Variants in HIKESHI observed in about 807,000 individuals in gnomAD.
HIKESHI encodes the protein heat shock protein nuclear import factor hikeshi.
In HIKESHI, 13 loss-of-function variants were observed where a neutral mutation model predicts 25.7. The ratio of observed to expected loss-of-function variants is 0.51; its 90% confidence interval spans 0.33 to 0.80. The LOEUF is 0.80. Among genes scored for constraint, HIKESHI ranks in the 30% least tolerant of loss-of-function variants. The pLI is 0.02. For synonymous variants in HIKESHI, 76 were observed against 78.7 expected (o/e 0.97, Z 0.18); for missense variants, 174 against 229.5 (o/e 0.76, Z 1.56).
intron 1 of HIKESHI, chr11:86,303,601 T>A (rs1593795471): frequency 6.2e-6 from 1 of 161,046 alleles, no homozygotes; most frequent in Non-Finnish European, 1.3e-5. Context: ...GGAATCCATG[T>A]ATCTCTCACG....
At chr11:86,339,021 A>G (rs1345310758) in intron 3 of HIKESHI, among the ~76,000 whole-genome samples, 3 of 152,148 alleles carry the variant, frequency 2.0e-5, no homozygotes, top group African/African-American at 7.2e-5. Flanking sequence ...TTATGTAACT[A>G]CTCTGTACCA....
chr11:86,304,720 T>G (rs1277680208), intron 1 of HIKESHI, among the ~76,000 whole-genome samples: 1 of 152,206 alleles, frequency 6.6e-6, no homozygotes, highest in Non-Finnish European at 1.5e-5. Context: ...TTCGCCATGT[T>G]GGCCAGGCTG....
chr11:86,310,930 T>G (rs1221672762), intron 2 of HIKESHI, among the ~76,000 whole-genome samples: 6 of 152,204 alleles, frequency 3.9e-5, no homozygotes, highest in Non-Finnish European at 7.3e-5. Context: ...TCATGGTGGA[T>G]AAGCTTTTTG....
intron 2 of HIKESHI, among the ~76,000 whole-genome samples, chr11:86,336,132 T>C (rs750057104): frequency 6.6e-6 from 1 of 152,152 alleles, no homozygotes; most frequent in Non-Finnish European, 1.5e-5. Context: ...GATAGCAGAA[T>C]TGAGTAGACA....
At chr11:86,334,788 A>G (rs1380661020) in intron 2 of HIKESHI, among the ~76,000 whole-genome samples, 1 of 152,184 alleles carries the variant, frequency 6.6e-6, no homozygotes, top group Non-Finnish European at 1.5e-5. Flanking sequence ...AGCTAGGACC[A>G]CAAGCATGCA....
intron 2 of HIKESHI, among the ~76,000 whole-genome samples, chr11:86,317,694 A>G (rs1233058581): frequency 6.6e-6 from 1 of 151,600 alleles, no homozygotes; most frequent in Non-Finnish European, 1.5e-5. Flanking sequence ...TTGTCCCAGC[A>G]CTCGAGAGAC....
chr11:86,321,043 T>C (rs188018696), intron 2 of HIKESHI, among the ~76,000 whole-genome samples: 4 of 152,242 alleles, frequency 2.6e-5, no homozygotes, highest in Non-Finnish European at 5.9e-5. Flanking sequence ...CAAGTGATTC[T>C]CCTGCCTCAG....
chr11:86,324,937 G>A (rs10898465), intron 2 of HIKESHI, among the ~76,000 whole-genome samples: 17,192 of 152,124 alleles, frequency 0.11, 1,064 homozygotes, highest in East Asian at 0.23. Flanking sequence ...TCAGCACTTC[G>A]GGAGGTTGAG....
intron 4 of HIKESHI, 64 bp from the exon 5 acceptor site, chr11:86,345,520 C>A: frequency 1.1e-6 from 1 of 878,536 alleles, no homozygotes; most frequent in Non-Finnish European, 1.8e-6. Flanking sequence ...AGTCATTTGG[C>A]AGTTAATGAA....
At chr11:86,326,973 C>T (rs889039194) in intron 2 of HIKESHI, among the ~76,000 whole-genome samples, 21 of 152,006 alleles carry the variant, frequency 1.4e-4, no homozygotes, top group African/African-American at 4.8e-4. Flanking sequence ...TGCCTATAGT[C>T]CTAACTACTC....
At chr11:86,314,436 G>C (rs766628381) in intron 2 of HIKESHI, among the ~76,000 whole-genome samples, 12 of 152,042 alleles carry the variant, frequency 7.9e-5, no homozygotes, top group Non-Finnish European at 1.6e-4. Flanking sequence ...ACAACATGGT[G>C]GAACCCCCTG....
At chr11:86,323,388 ATACT>A (rs1947198239) in intron 2 of HIKESHI, among the ~76,000 whole-genome samples, 1 of 152,210 alleles carries the variant, frequency 6.6e-6, no homozygotes, top group South Asian at 2.1e-4. Context: ...GATTAAATAA[ATACT>A]TATATCTATA....
chr11:86,332,283 C>A (rs1947447579), intron 2 of HIKESHI, among the ~76,000 whole-genome samples: 1 of 151,904 alleles, frequency 6.6e-6, no homozygotes, highest in African/African-American at 2.4e-5. Flanking sequence ...TTTCTTTAGT[C>A]CTCATCTCTT....
intron 2 of HIKESHI, among the ~76,000 whole-genome samples, chr11:86,324,988 G>GC (rs1947236604): frequency 6.6e-6 from 1 of 151,970 alleles, no homozygotes; most frequent in African/African-American, 2.4e-5. Context: ...AGACCAACCT[G>GC]CGTAACACAG....
At chr11:86,309,104 C>A (rs1444471045) in intron 2 of HIKESHI, among the ~76,000 whole-genome samples, 1 of 152,126 alleles carries the variant, frequency 6.6e-6, no homozygotes, top group African/African-American at 2.4e-5. Context: ...ATGGCTGGGT[C>A]AAATGATATT....
chr11:86,335,390 G>C (rs1947528539), intron 2 of HIKESHI, among the ~76,000 whole-genome samples: 1 of 152,178 alleles, frequency 6.6e-6, no homozygotes, highest in Non-Finnish European at 1.5e-5. Context: ...GGAATGAGAT[G>C]CTTTGGGGAA....
chr11:86,307,944 A>ATGTGTAATATAATATATAAAATATATAT (rs1946701025), intron 2 of HIKESHI, among the ~76,000 whole-genome samples: 3 of 87,654 alleles, frequency 3.4e-5, no homozygotes, highest in Non-Finnish European at 5.8e-5. Flanking sequence ...AATATATATT[A>ATGTGTAATATAATATATAAAATATATAT]TGTGTAATAT....
intron 2 of HIKESHI, among the ~76,000 whole-genome samples, chr11:86,331,982 CTTTTT>C (rs796831448): frequency 7.7e-6 from 1 of 129,540 alleles, no homozygotes; most frequent in Admixed American, 7.8e-5. Flanking sequence ...GTTTTCTTTT[CTTTTT>C]TTTTTTTTTT....
intron 2 of HIKESHI, among the ~76,000 whole-genome samples, chr11:86,320,436 C>T (rs549026141): frequency 1.6e-4 from 25 of 152,196 alleles, no homozygotes; most frequent in African/African-American, 6.0e-4. Flanking sequence ...ATTAGCTGGG[C>T]GTGCTGGCAG....
Sources: allele counts gnomAD v4.1 joint callset (sites outside exome capture counted in the v4.1 genomes callset), GRCh38; gene constraint gnomAD v4.1.1; transcripts MANE v1.5; gene names NCBI Gene and HGNC (gene_info 2026-07-23, HGNC 2026-07-21).